EPSTI1: variants seen among roughly 807,000 people sequenced by gnomAD.
The protein encoded by EPSTI1 is epithelial stromal interaction 1.
EPSTI1 carries 66 observed loss-of-function variants against 49.9 expected under a neutral mutation model. The observed-to-expected ratio is 1.32, with a 90% CI of 1.08 to 1.62. EPSTI1 has a LOEUF of 1.62. EPSTI1 is among the 40% of genes most tolerant of loss of function. EPSTI1 has a pLI of 0.00. For synonymous variants in EPSTI1, 137 were observed against 130.7 expected, an observed-to-expected ratio of 1.05 and a Z score of -0.33; for missense variants, 394 against 365.5, an observed-to-expected ratio of 1.08 and a Z score of -0.64.
chr13:42,889,229 A>T, intron 10 of EPSTI1: 1 of 1,566,986 alleles, frequency 6.4e-7, no homozygotes, highest in South Asian at 1.2e-5. Flanking sequence ...CCTCGAAAAA[A>T]CTAATAGAGA....
Position 42,990,530 on chromosome 13 carries a change from G to A in EPSTI1, c.188+1448C>T, listed in dbSNP as rs74062030. Among the ~76,000 whole-genome samples, 339 of 152,330 alleles carry A rather than the reference G, an allele frequency of 2.2e-3. 3 individuals are homozygous for A. The highest frequency in any genetic ancestry group is 7.8e-3 in the African/African-American group (323 of 41,560). ...TTCATGGACACGAGACCATATGTCT[G>A]TGACCTTTGTTACTGTTAAGTACTA... On this transcript the variant is annotated intron_variant, in intron 1 of 10. Coordinates refer to ENST00000313624, the MANE Select transcript of EPSTI1 (RefSeq NM_033255.5).
At chr13:42,894,805 A>C (rs2037142736) in intron 10 of EPSTI1, among the ~76,000 whole-genome samples, 2 of 152,092 alleles carry the variant, frequency 1.3e-5, no homozygotes, top group South Asian at 4.1e-4. Flanking sequence ...GATTGGCCAG[A>C]GCTGAAATCA....
At chr13:42,919,897 T>C (rs1283273324) in intron 7 of EPSTI1, among the ~76,000 whole-genome samples, 2 of 152,210 alleles carry the variant, frequency 1.3e-5, no homozygotes, top group Admixed American at 6.5e-5. Flanking sequence ...TATCTTATAG[T>C]TCTGGAGGCT....
At chr13:42,905,046 G>A (rs2037460398) in intron 8 of EPSTI1, among the ~76,000 whole-genome samples, 2 of 152,080 alleles carry the variant, frequency 1.3e-5, no homozygotes, top group Non-Finnish European at 2.9e-5. Flanking sequence ...CAGTGTGAGA[G>A]GCCATTTCTG....
chr13:42,982,814 C>T (rs2040009341), intron 1 of EPSTI1, among the ~76,000 whole-genome samples: 1 of 152,168 alleles, frequency 6.6e-6, no homozygotes, highest in Non-Finnish European at 1.5e-5. Context: ...TCTGACCTTC[C>T]TCTAAGGTAG....
chr13:42,982,823 A>G (rs1054754957), intron 1 of EPSTI1, among the ~76,000 whole-genome samples: 1 of 152,208 alleles, frequency 6.6e-6, no homozygotes, highest in Non-Finnish European at 1.5e-5. Context: ...CCTCTAAGGT[A>G]GGTCATAATA....
At chr13:42,939,218 C>G (rs2038670556) in intron 6 of EPSTI1, among the ~76,000 whole-genome samples, 2 of 152,216 alleles carry the variant, frequency 1.3e-5, no homozygotes, top group Admixed American at 1.3e-4. Context: ...ATCCAGACCA[C>G]TTGAACTTTC....
intron 6 of EPSTI1, among the ~76,000 whole-genome samples, chr13:42,928,575 A>G (rs917989187): frequency 2.0e-5 from 3 of 152,176 alleles, no homozygotes; most frequent in African/African-American, 7.2e-5. Context: ...TCCATAGAAC[A>G]AAATAAAATT....
intron 1 of EPSTI1, among the ~76,000 whole-genome samples, chr13:42,986,363 A>G (rs2040077888): frequency 6.6e-6 from 1 of 152,114 alleles, no homozygotes; most frequent in Admixed American, 6.5e-5. Flanking sequence ...TGTCTTTTTT[A>G]TGCTAATGTC....
chr13:42,986,175 G>A (rs935911878), intron 1 of EPSTI1, among the ~76,000 whole-genome samples: 5 of 152,314 alleles, frequency 3.3e-5, no homozygotes, highest in Middle Eastern at 3.4e-3. Flanking sequence ...AGCTGGGGCC[G>A]TCAGCTGACT....
chr13:42,954,702 G>A (rs2039206584), intron 5 of EPSTI1, among the ~76,000 whole-genome samples: 1 of 152,100 alleles, frequency 6.6e-6, no homozygotes. Context: ...TGCTCACCAT[G>A]ACACACTGTC....
chr13:42,919,240 G>C lies in EPSTI1; in HGVS notation c.658-1616C>G. On this transcript the variant is annotated intron_variant, in intron 7 of 10. Transcript: ENST00000313624. ...TATAAAGGTCCACAGAAACTGGGAA[G>C]TCACATGGCATCCAAACTTATGAAA... 3 of 1,534,720 alleles carry C rather than the reference G, an allele frequency of 2.0e-6. No individual in the cohort carries two copies. In the South Asian group the frequency reaches 3.4e-5, roughly 17 times the overall value.
At chr13:42,919,948 T>C (rs2037946006) in intron 7 of EPSTI1, among the ~76,000 whole-genome samples, 1 of 152,226 alleles carries the variant, frequency 6.6e-6, no homozygotes. Context: ...TGGTTCCTTC[T>C]GAGGGCTATG....
chr13:42,992,119 G>A lies in EPSTI1; in HGVS notation c.47C>T (p.Pro16Leu), dbSNP rs771682393. Residue 16 changes from proline (P) to leucine (L), a missense_variant, in exon 1 of 11, where the codon CCT (proline) becomes CTT (leucine). By Grantham distance (98) the Pro-to-Leu change is moderately conservative. Coordinates refer to ENST00000313624, the MANE Select transcript of EPSTI1 (RefSeq NM_033255.5). ...RVVNSGLGAS[P>L]ASRPTRDPQD... ...GGGATCCCGGGTCGGGCGGGAGGCA[G>A]GGGAGGCGCCGAGCCCGGAGTTCAC... 7.5e-6 allele frequency: 12 copies of A among 1,608,986 alleles called. No individual in the cohort carries two copies. The highest frequency in any genetic ancestry group is 9.3e-6 in the Non-Finnish European group (11 of 1,178,386).
At chr13:42,915,710 C>G (rs939415744) in intron 8 of EPSTI1, among the ~76,000 whole-genome samples, 1 of 151,976 alleles carries the variant, frequency 6.6e-6, no homozygotes, top group East Asian at 1.9e-4. Context: ...CTGAAAGCTA[C>G]AGTAAGTTAA....
chr13:42,961,546 G>C (rs1198268380), intron 5 of EPSTI1, among the ~76,000 whole-genome samples: 1 of 152,092 alleles, frequency 6.6e-6, no homozygotes, highest in African/African-American at 2.4e-5. Flanking sequence ...ACTCTTCCTG[G>C]GCCCCACTGA....
In EPSTI1 at chr13:42,970,617, T is replaced by G; in HGVS notation, c.242A>C (p.Gln81Pro). 1 of 1,609,572 alleles carries G rather than the reference T, an allele frequency of 6.2e-7. No homozygotes were observed. Among genetic ancestry groups the G allele is most frequent in the Non-Finnish European group, 8.5e-7 (1 of 1,178,130 alleles). ...APNINRRNEI[Q>P]RIAEQELANL... ...AAATGAATGACTATACATACTTCTT[T>G]GTATCTCATTTCTCCGGTTTATATT... The change falls in exon 2 of 11, where the codon CAA becomes CCA. Residue 81 changes from glutamine (Q) to proline (P), a missense_variant. Coordinates refer to ENST00000313624, the MANE Select transcript of EPSTI1 (RefSeq NM_033255.5).
chr13:42,983,547 G>C (rs1476563498), intron 1 of EPSTI1, among the ~76,000 whole-genome samples: 1 of 110,594 alleles, frequency 9.0e-6, no homozygotes, highest in East Asian at 3.1e-4. Flanking sequence ...CTGGGCAACA[G>C]AGCGAGACTC....
chr13:42,903,231 G>C (rs1176034668), intron 8 of EPSTI1, among the ~76,000 whole-genome samples: 1 of 150,256 alleles, frequency 6.7e-6, no homozygotes, highest in Non-Finnish European at 1.5e-5. Flanking sequence ...AAATTTTTAA[G>C]ATAATTTTTT....
Sources: allele counts gnomAD v4.1 joint callset (sites outside exome capture counted in the v4.1 genomes callset), GRCh38; gene constraint gnomAD v4.1.1; transcripts MANE v1.5; gene names NCBI Gene and HGNC (gene_info 2026-07-23, HGNC 2026-07-21).